Variants in DCP1A observed in about 807,000 individuals in gnomAD.
DCP1A encodes mRNA-decapping enzyme 1A.
Under a neutral mutation model 58.0 loss-of-function variants are expected in DCP1A, and 20 were observed. That is an observed-to-expected ratio of 0.34 (90% CI 0.24 to 0.50). The LOEUF is 0.50. Among genes scored for constraint, DCP1A ranks in the 20% least tolerant of loss-of-function variants. The probability of loss-of-function intolerance (pLI) is 0.98; values close to 1 mark genes in which losing one functional copy is unlikely to be tolerated. For missense variants in DCP1A, 613 were observed against 712.2 expected (o/e 0.86, Z 1.59); for synonymous variants, 285 against 275.1 (o/e 1.04, Z -0.36).
At chr3:53,294,325 T>C (rs566072024) in intron 6 of DCP1A, among the ~76,000 whole-genome samples, 1 of 151,944 alleles carries the variant, frequency 6.6e-6, no homozygotes, top group Non-Finnish European at 1.5e-5. Flanking sequence ...GGAGTTGGAA[T>C]GGAAGGAGTT....
chr3:53,323,752 C>A (rs1243720973), intron 3 of DCP1A, among the ~76,000 whole-genome samples: 1 of 151,142 alleles, frequency 6.6e-6, no homozygotes, highest in African/African-American at 2.4e-5. Context: ...ATCCCAGCTA[C>A]TCGGGAGGCT....
At chr3:53,324,453 T>C (rs1708057073) in intron 3 of DCP1A, among the ~76,000 whole-genome samples, 1 of 152,240 alleles carries the variant, frequency 6.6e-6, no homozygotes, top group African/African-American at 2.4e-5. Context: ...AAACCAAAGC[T>C]AAGCATTCTT....
intron 3 of DCP1A, among the ~76,000 whole-genome samples, chr3:53,336,912 C>T (rs1173887893): frequency 6.6e-6 from 1 of 151,254 alleles, no homozygotes; most frequent in Non-Finnish European, 1.5e-5. Context: ...GCTCTGTCTC[C>T]CAGGCTGGAG....
intron 6 of DCP1A, among the ~76,000 whole-genome samples, chr3:53,298,321 C>T (rs1418499792): frequency 6.6e-6 from 1 of 152,202 alleles, no homozygotes; most frequent in Non-Finnish European, 1.5e-5. Flanking sequence ...ATTCTCTATG[C>T]TGCCTCCCTA....
intron 3 of DCP1A, among the ~76,000 whole-genome samples, chr3:53,334,357 G>A (rs1433129405): frequency 3.9e-5 from 6 of 152,072 alleles, no homozygotes; most frequent in African/African-American, 1.4e-4. Flanking sequence ...TCTTTTAACT[G>A]GCAAGTTTAG....
chr3:53,290,780 C>T lies in DCP1A; in HGVS notation c.1449+11G>A, dbSNP rs782401142. The T allele has an allele frequency of 6.4e-6, 7 of 1,088,210 alleles. No individual in the cohort carries two copies. The highest frequency in any genetic ancestry group is 5.4e-5 in the East Asian group (2 of 36,728). 67.4% of individuals were successfully genotyped at this position (1,088,210 alleles called of 1,614,324 possible). A position where few individuals can be genotyped will look rare whatever the true frequency, so the allele number is the denominator to read the frequency against. ...AAAAAAAAAAAAAAAAAAAAAAAAG[C>T]GAGTCCTTACCGGGATGGCACTGGA... On this transcript the variant is annotated intron_variant, in intron 8 of 9. Coordinates refer to ENST00000610213, the MANE Select transcript of DCP1A (RefSeq NM_018403.7).
At chr3:53,288,814 C>T (rs1276181440) in intron 8 of DCP1A, among the ~76,000 whole-genome samples, 6 of 152,098 alleles carry the variant, frequency 3.9e-5, no homozygotes, top group African/African-American at 4.8e-5. Context: ...AGGTGGGGTT[C>T]GAGACCAGCC....
At chr3:53,296,427 C>T (rs1343152143) in intron 6 of DCP1A, among the ~76,000 whole-genome samples, 2 of 152,188 alleles carry the variant, frequency 1.3e-5, no homozygotes, top group African/African-American at 4.8e-5. Context: ...CAAATTCTCC[C>T]TTGGGACAGA....
rs900065628 is a variant in DCP1A, at chr3:53,283,707, T to C, written c.*3873A>G. The C allele has an allele frequency of 1.3e-5, 2 of 152,210 alleles. No individual in the cohort carries two copies. The highest frequency in any genetic ancestry group is 1.3e-4 in the Admixed American group (2 of 15,272). 9.4% of individuals were successfully genotyped at this position (152,210 alleles called of 1,614,324 possible). On this transcript the variant is annotated 3_prime_UTR_variant, in exon 10 of 10. Coordinates refer to ENST00000610213, the MANE Select transcript of DCP1A (RefSeq NM_018403.7). ...CATGAGAGCCACATGGCCAAAGCAGTAATACAGAATAAAAAACCATTTAGA... is the reference window on the plus strand; with the variant it reads ...CATGAGAGCCACATGGCCAAAGCAGCAATACAGAATAAAAAACCATTTAGA...
At chr3:53,345,123 A>G (rs887587497) in intron 1 of DCP1A, among the ~76,000 whole-genome samples, 181 bp from the exon 2 acceptor site, 5 of 152,202 alleles carry the variant, frequency 3.3e-5, no homozygotes, top group Non-Finnish European at 2.9e-5. Flanking sequence ...TACCATTTCT[A>G]ATGTATCCTT....
At chr3:53,312,495 CT>C (rs879948145) in intron 4 of DCP1A, 116 bp from the exon 5 acceptor site, 91,236 of 521,140 alleles carry the variant, frequency 0.18, 222 homozygotes, top group South Asian at 0.24. Context: ...TGACATTCTT[CT>C]TTTTTTTTTT....
At chr3:53,339,244 T>A (rs1037661595) in intron 3 of DCP1A, among the ~76,000 whole-genome samples, 6 of 152,234 alleles carry the variant, frequency 3.9e-5, no homozygotes. Flanking sequence ...TCTGTTGTCT[T>A]ATCACTTCTC....
chr3:53,293,558 A>G (rs972391929), intron 6 of DCP1A, among the ~76,000 whole-genome samples: 1 of 152,162 alleles, frequency 6.6e-6, no homozygotes, highest in Non-Finnish European at 1.5e-5. Flanking sequence ...GTTCTCACAG[A>G]GCTTACATTT....
intron 8 of DCP1A, among the ~76,000 whole-genome samples, chr3:53,289,792 T>A (rs932981015): frequency 2.0e-5 from 3 of 152,196 alleles, no homozygotes; most frequent in Non-Finnish European, 2.9e-5. Flanking sequence ...GTATTTTCAG[T>A]ATTTGTCAGA....
chr3:53,327,964 A>T (rs1394618137), intron 3 of DCP1A, among the ~76,000 whole-genome samples: 3 of 151,836 alleles, frequency 2.0e-5, no homozygotes, highest in Non-Finnish European at 4.4e-5. Context: ...TTCTACTAAC[A>T]ATACAAAAAT....
chr3:53,343,158 TA>T (rs2089240224), intron 2 of DCP1A, among the ~76,000 whole-genome samples: 1 of 152,198 alleles, frequency 6.6e-6, no homozygotes, highest in Non-Finnish European at 1.5e-5. Context: ...TTCTATAGAT[TA>T]GGAGACAAGC....
chr3:53,313,468 C>T (rs1386321559), intron 4 of DCP1A, among the ~76,000 whole-genome samples: 1 of 151,796 alleles, frequency 6.6e-6, no homozygotes, highest in African/African-American at 2.4e-5. Flanking sequence ...TAAGAACACC[C>T]CCTTCTCCCT....
chr3:53,288,518 C>A (rs868967055), intron 8 of DCP1A, among the ~76,000 whole-genome samples: 3 of 152,140 alleles, frequency 2.0e-5, no homozygotes, highest in South Asian at 2.1e-4. Flanking sequence ...AGAATCATTA[C>A]GGGAAGCCAA....
At chr3:53,317,013 G>C (rs1707833737) in intron 4 of DCP1A, among the ~76,000 whole-genome samples, 1 of 152,116 alleles carries the variant, frequency 6.6e-6, no homozygotes, top group African/African-American at 2.4e-5. Context: ...ATAGTTGTTA[G>C]AGCTAAAAGA....
Sources: allele counts gnomAD v4.1 joint callset (sites outside exome capture counted in the v4.1 genomes callset), GRCh38; gene constraint gnomAD v4.1.1; transcripts MANE v1.5; gene names NCBI Gene and HGNC (gene_info 2026-07-23, HGNC 2026-07-21).